Variants in CSMD2 observed in about 807,000 individuals in gnomAD.
CSMD2 encodes the protein CUB and sushi domain-containing protein 2.
CSMD2 carries 130 observed loss-of-function variants against 398.5 expected under a neutral mutation model. The ratio of observed to expected loss-of-function variants is 0.33; its 90% CI spans 0.28 to 0.38. The LOEUF is 0.38. Among genes scored for constraint, CSMD2 ranks in the 10% least tolerant of loss-of-function variants. The probability of loss-of-function intolerance (pLI) is 1.00; values close to 1 mark genes in which losing one functional copy is unlikely to be tolerated. For synonymous variants in CSMD2, 1,828 were observed against 1,908.5 expected (o/e 0.96, Z 1.10); for missense variants, 3,829 against 4,764.9 (o/e 0.80, Z 5.78).
At position 33,636,315 on chromosome 1, in the gene CSMD2, T is replaced by G. The variant is rs1642799237; in HGVS notation, c.4969+45A>C. Reference sequence around the variant, plus strand: ...CCCACAGCACCCTCTGCCCCTGGCATGCCCTCAGTTCCTCAGACCCCTGCC... The same window carrying G: ...CCCACAGCACCCTCTGCCCCTGGCAGGCCCTCAGTTCCTCAGACCCCTGCC... On this transcript the variant is annotated intron_variant, in intron 30 of 70. Coordinates refer to ENST00000373381, the MANE Select transcript of CSMD2 (RefSeq NM_001281956.2). The surrounding 1 kb of genome is among the most constrained non-coding windows in gnomAD (Gnocchi z 4.8). 1 of 1,517,584 alleles carries G rather than the reference T, an allele frequency of 6.6e-7. No homozygotes were observed. 94.0% of individuals were successfully genotyped at this position (1,517,584 alleles called of 1,614,324 possible).
intron 5 of CSMD2, among the ~76,000 whole-genome samples, chr1:33,874,803 C>T (rs865811063): frequency 2.0e-5 from 3 of 152,200 alleles, no homozygotes; most frequent in Non-Finnish European, 2.9e-5. Context: ...GTAAATTCCT[C>T]GATACCCATG....
chr1:33,699,267 T>C (rs1043694573), intron 23 of CSMD2, among the ~76,000 whole-genome samples: 1 of 152,228 alleles, frequency 6.6e-6, no homozygotes, highest in African/African-American at 2.4e-5. Flanking sequence ...TATTGAGACA[T>C]TCTGATAAGA....
chr1:33,967,389 C>T (rs7548494), intron 3 of CSMD2, among the ~76,000 whole-genome samples: 7,851 of 152,116 alleles, frequency 0.052, 303 homozygotes, highest in East Asian at 0.17. Context: ...CACACCCCAG[C>T]GTGAACAAAT....
chr1:33,740,131 G>T (rs1191460058), intron 14 of CSMD2, among the ~76,000 whole-genome samples: 1 of 152,164 alleles, frequency 6.6e-6, no homozygotes, highest in African/African-American at 2.4e-5. Flanking sequence ...GTTCGGTGCG[G>T]CACGTGACAG....
chr1:33,651,940 G>A (rs1429432978), intron 28 of CSMD2, among the ~76,000 whole-genome samples: 1 of 152,002 alleles, frequency 6.6e-6, no homozygotes, highest in Non-Finnish European at 1.5e-5. Context: ...GGGTGCCTGG[G>A]ACCCAAGCCC....
chr1:33,768,475 A>G (rs1469140391), intron 13 of CSMD2, among the ~76,000 whole-genome samples: 2 of 152,030 alleles, frequency 1.3e-5, no homozygotes, highest in Non-Finnish European at 2.9e-5. Context: ...GTAATGGTCC[A>G]TGGGAGAGAC....
At chr1:33,740,997 G>A (rs997174414) in intron 14 of CSMD2, among the ~76,000 whole-genome samples, 28 of 152,096 alleles carry the variant, frequency 1.8e-4, no homozygotes, top group Non-Finnish European at 7.4e-5. Flanking sequence ...GCTTTATGGA[G>A]TTTTTGTTGT....
chr1:33,928,073 A>G (rs2125309243), intron 4 of CSMD2, among the ~76,000 whole-genome samples: 1 of 152,306 alleles, frequency 6.6e-6, no homozygotes, highest in South Asian at 2.1e-4. Context: ...CAGGCCCTGA[A>G]CCATCAGGCT....
chr1:34,085,402 T>A lies in CSMD2; in HGVS notation c.404+3575A>T, dbSNP rs1004669082. Reference sequence around the variant, plus strand: ...ACAATAATAATAATAATAATAATAATAAATAAATAAATTGTACCCTTCCAC... The same window carrying A: ...ACAATAATAATAATAATAATAATAAAAAATAAATAAATTGTACCCTTCCAC... On this transcript the variant is annotated intron_variant, in intron 2 of 70. Coordinates refer to ENST00000373381, the MANE Select transcript of CSMD2 (RefSeq NM_001281956.2). 7.3e-5 allele frequency among the ~76,000 whole-genome samples: 10 copies of A among 136,604 alleles called. No homozygotes were observed. The East Asian group carries it at 8.5e-4, about 12-fold the overall frequency. 89.6% of individuals were successfully genotyped at this position (136,604 alleles called of 152,430 possible).
intron 1 of CSMD2, among the ~76,000 whole-genome samples, chr1:34,108,989 G>A (rs1341974662): frequency 1.3e-5 from 2 of 152,164 alleles, no homozygotes; most frequent in Admixed American, 1.3e-4. Flanking sequence ...CAGCATCAAG[G>A]AGGGCATGAC....
chr1:33,874,170 AT>A (rs1640669487), intron 5 of CSMD2, among the ~76,000 whole-genome samples: 1 of 152,232 alleles, frequency 6.6e-6, no homozygotes. Context: ...GTGCTCTAAA[AT>A]TTAACACAAT....
chr1:33,800,679 G>C (rs1655488322), intron 10 of CSMD2, among the ~76,000 whole-genome samples: 1 of 152,146 alleles, frequency 6.6e-6, no homozygotes, highest in Non-Finnish European at 1.5e-5. Flanking sequence ...GAGACAGGAG[G>C]GGCACAAAAT....
At chr1:33,689,269 C>T (rs1199541118) in intron 25 of CSMD2, among the ~76,000 whole-genome samples, 1 of 152,202 alleles carries the variant, frequency 6.6e-6, no homozygotes, top group South Asian at 2.1e-4. Context: ...CATCTTTCTG[C>T]AGCTCTCAGT....
intron 4 of CSMD2, among the ~76,000 whole-genome samples, chr1:33,935,239 C>T (rs949204141): frequency 1.3e-5 from 2 of 151,738 alleles, no homozygotes; most frequent in African/African-American, 2.4e-5. Context: ...AGGCTGAGGC[C>T]GACACAGCAT....
At position 33,912,752 on chromosome 1, in the gene CSMD2, T is replaced by C. The variant is rs368824179; in HGVS notation, c.920+5342A>G. Among the ~76,000 whole-genome samples the C allele has an allele frequency of 2.6e-5, 4 of 152,188 alleles. No individual in the cohort carries two copies. In the East Asian group the frequency reaches 7.7e-4, roughly 29 times the overall value. ...TCACTGTGGAGTACCTCTGCTTTCC[T>C]AGTCCTGCACAGAGCTCTTAGTGGT... On this transcript the variant is annotated intron_variant, in intron 5 of 70. Transcript: ENST00000373381.
chr1:34,045,588 G>T lies in CSMD2; in HGVS notation c.405-12882C>A, dbSNP rs571617813. On this transcript the variant is annotated intron_variant, in intron 2 of 70. Coordinates refer to ENST00000373381, the MANE Select transcript of CSMD2 (RefSeq NM_001281956.2). Reference sequence around the variant, plus strand: ...TTTATTTTTGGAGGCTGGGATACCTGTCTTAAGTATGACTGGATGGGAGCA... The same window carrying T: ...TTTATTTTTGGAGGCTGGGATACCTTTCTTAAGTATGACTGGATGGGAGCA... Among the ~76,000 whole-genome samples, 138 of 152,288 alleles carry T rather than the reference G, an allele frequency of 9.1e-4. 1 individual carries two copies. The highest frequency in any genetic ancestry group is 2.2e-3 in the Admixed American group (34 of 15,298).
At chr1:33,866,208 G>A (rs1640020735) in intron 5 of CSMD2, among the ~76,000 whole-genome samples, 1 of 152,208 alleles carries the variant, frequency 6.6e-6, no homozygotes, top group Non-Finnish European at 1.5e-5. Context: ...AATCAAACAG[G>A]TCATTTGTGG....
At chr1:33,521,169 G>A (rs1405086623) in intron 68 of CSMD2, among the ~76,000 whole-genome samples, 1 of 152,230 alleles carries the variant, frequency 6.6e-6, no homozygotes, top group Non-Finnish European at 1.5e-5. Flanking sequence ...TGGCTGGAGG[G>A]TGTGGCTGGG....
chr1:33,706,974 T>C (rs1645807806), intron 22 of CSMD2, among the ~76,000 whole-genome samples: 1 of 152,176 alleles, frequency 6.6e-6, no homozygotes, highest in African/African-American at 2.4e-5. Context: ...CTAGGTTTTA[T>C]GCCCCATGTC....
Sources: gnomAD v4.1 joint callset for allele counts (sites outside exome capture counted in the v4.1 genomes callset) on GRCh38, gnomAD v4.1.1 for gene constraint, Gnocchi (gnomAD v3.1) non-coding constraint, MANE v1.5 for transcripts, NCBI Gene and HGNC (gene_info 2026-07-23, HGNC 2026-07-21) for gene names.